Variants in PDSS1 observed in about 807,000 individuals in gnomAD.
PDSS1 encodes decaprenyl diphosphate synthase subunit 1, also known as all trans-polyprenyl-diphosphate synthase PDSS1.
In PDSS1, 43 loss-of-function variants were observed where a neutral mutation model predicts 57.5. The ratio of observed to expected loss-of-function variants is 0.75; its 90% confidence interval spans 0.59 to 0.96. The LOEUF (loss-of-function observed/expected upper bound fraction) is 0.96, where lower values mean the gene tolerates loss of function less well. Among genes scored for constraint, PDSS1 ranks in the 50% least tolerant of loss-of-function variants. PDSS1 has a pLI of 0.00. For synonymous variants in PDSS1, 175 were observed against 191.3 expected, an observed-to-expected ratio of 0.91 and a Z score of 0.70; for missense variants, 438 against 527.8, an observed-to-expected ratio of 0.83 and a Z score of 1.67.
intron 11 of PDSS1, among the ~76,000 whole-genome samples, chr10:26,742,821 C>T (rs1043226097): frequency 6.6e-6 from 1 of 152,158 alleles, no homozygotes; most frequent in Non-Finnish European, 1.5e-5. Context: ...ACATTAATAT[C>T]TTTTAAAAGG....
At chr10:26,723,204 G>A (rs1040679152) in intron 6 of PDSS1, among the ~76,000 whole-genome samples, 10 of 152,106 alleles carry the variant, frequency 6.6e-5, no homozygotes, top group African/African-American at 2.2e-4. Flanking sequence ...CTGAGGGATC[G>A]GGGGGAACTT....
chr10:26,734,664 A>G (rs1420308636), intron 8 of PDSS1: 3 of 456,194 alleles, frequency 6.6e-6, no homozygotes, highest in Non-Finnish European at 1.3e-5. Context: ...CTGTGTCTGA[A>G]GCAGGAGGCT....
chr10:26,709,545 G>A (rs1264084249), intron 4 of PDSS1, 93 bp from the exon 5 acceptor site: 3 of 1,289,658 alleles, frequency 2.3e-6, no homozygotes, highest in East Asian at 2.3e-5. Context: ...TGGGCAACAA[G>A]AGCGAAACTC....
intron 5 of PDSS1, chr10:26,717,760 G>T (rs1289445690): frequency 6.6e-6 from 1 of 151,906 alleles, no homozygotes; most frequent in African/African-American, 2.4e-5. Flanking sequence ...CTTACCTGTT[G>T]TTTTAAGGTA....
chr10:26,719,420 A>G (rs1022539624), intron 5 of PDSS1, among the ~76,000 whole-genome samples: 1 of 152,236 alleles, frequency 6.6e-6, no homozygotes, highest in Non-Finnish European at 1.5e-5. Context: ...GTTGGAAGAA[A>G]GTTTTACAAA....
chr10:26,738,619 A>G (rs1836481755), intron 10 of PDSS1, among the ~76,000 whole-genome samples: 1 of 152,100 alleles, frequency 6.6e-6, no homozygotes. Flanking sequence ...TTGGTAGGTG[A>G]GTTTTGTTTG....
At chr10:26,739,224 A>C (rs945242059) in intron 10 of PDSS1, among the ~76,000 whole-genome samples, 1 of 152,082 alleles carries the variant, frequency 6.6e-6, no homozygotes, top group African/African-American at 2.4e-5. Flanking sequence ...CATACTCATC[A>C]CCTTAGCAGT....
At chr10:26,708,202 T>C (rs1284327453) in intron 4 of PDSS1, among the ~76,000 whole-genome samples, 1 of 152,224 alleles carries the variant, frequency 6.6e-6, no homozygotes, top group African/African-American at 2.4e-5. Context: ...ACTAAGTCGG[T>C]AATTTACTGA....
chr10:26,707,289 A>T (rs1386111714), intron 4 of PDSS1, among the ~76,000 whole-genome samples: 3 of 151,632 alleles, frequency 2.0e-5, no homozygotes, highest in African/African-American at 7.3e-5. Context: ...GACTCACCCA[A>T]CTCCCGAGAT....
intron 8 of PDSS1, among the ~76,000 whole-genome samples, chr10:26,726,567 G>A (rs1384141747): frequency 6.6e-6 from 1 of 152,134 alleles, no homozygotes; most frequent in African/African-American, 2.4e-5. Flanking sequence ...GGGAGGAGGA[G>A]AACTGAAAGA....
At chr10:26,740,814 G>C in intron 10 of PDSS1, 2 of 382,764 alleles carry the variant, frequency 5.2e-6, no homozygotes, top group Non-Finnish European at 1.1e-5. Context: ...GGCTGTGGCA[G>C]CTGGTAGCCA....
intron 6 of PDSS1, 37 bp downstream of exon 6, chr10:26,720,396 GA>G (rs1835745443): frequency 7.3e-7 from 1 of 1,374,004 alleles, no homozygotes; most frequent in Non-Finnish European, 1.0e-6. Flanking sequence ...CTCTCTTACT[GA>G]ATCACACACT....
Position 26,746,653 on chromosome 10 carries a change from GTAAT to G in PDSS1, c.*185_*188del, listed in dbSNP as rs1159256822. 1 of 621,444 alleles carries G rather than the reference GTAAT, an allele frequency of 1.6e-6. No individual in the cohort carries two copies. The highest frequency in any genetic ancestry group is 2.9e-5 in the East Asian group (1 of 34,698). 38.5% of individuals were successfully genotyped at this position (621,444 alleles called of 1,614,324 possible). On this transcript the variant is annotated 3_prime_UTR_variant, in exon 12 of 12. Transcript: ENST00000376215. Reference sequence around the variant, plus strand: ...AGTTTTTTCAGAAAACTTTTTAAATGTAATTAATAAACCACCTGAATCTGTCATT... The same window carrying G: ...AGTTTTTTCAGAAAACTTTTTAAATGTAATAAACCACCTGAATCTGTCATT...
intron 8 of PDSS1, among the ~76,000 whole-genome samples, chr10:26,729,324 C>G (rs998584325): frequency 3.3e-5 from 5 of 152,068 alleles, no homozygotes; most frequent in African/African-American, 1.2e-4. Context: ...GTTTCTAGAC[C>G]CACTCAATGG....
In PDSS1 at chr10:26,709,691, T is replaced by C; in HGVS notation, c.390T>C (p.Asp130=). ...AGGAAATGTCTGAGTACTACTTTGA[T>C]GGGAAAGGGAAAGCCTTTCGACCAA... ...ELKEMSEYYF[D]GKGKAFRPII... Residue 130 remains aspartate (D), a synonymous_variant, in exon 5 of 12, where the codon GAT becomes GAC. Coordinates refer to ENST00000376215, the MANE Select transcript of PDSS1 (RefSeq NM_014317.5). 6.2e-7 allele frequency: 1 copy of C among 1,613,674 alleles called. No homozygotes were observed.
At chr10:26,723,656 G>A in intron 6 of PDSS1, 150 bp from the exon 7 acceptor site, 1 of 714,752 alleles carries the variant, frequency 1.4e-6, no homozygotes, top group Non-Finnish European at 2.6e-6. Context: ...GATTGTTACG[G>A]ACTCCTGTTG....
chr10:26,707,343 T>C (rs181952250), intron 4 of PDSS1, among the ~76,000 whole-genome samples: 1 of 152,294 alleles, frequency 6.6e-6, no homozygotes, highest in East Asian at 1.9e-4. Flanking sequence ...TTGTATCTAT[T>C]GAGAGACTGC....
intron 5 of PDSS1, chr10:26,717,982 G>A (rs1156660148): frequency 6.6e-6 from 1 of 152,036 alleles, no homozygotes; most frequent in African/African-American, 2.4e-5. Context: ...GGATTCAGGT[G>A]GCTTAAAACT....
At chr10:26,729,596 A>T (rs138004990) in intron 8 of PDSS1, among the ~76,000 whole-genome samples, 17 of 152,336 alleles carry the variant, frequency 1.1e-4, no homozygotes, top group African/African-American at 4.1e-4. Flanking sequence ...ATAGGAGTTT[A>T]CAAATTCATG....
Sources: allele counts gnomAD v4.1 joint callset (sites outside exome capture counted in the v4.1 genomes callset), GRCh38; gene constraint gnomAD v4.1.1; transcripts MANE v1.5; gene names NCBI Gene and HGNC (gene_info 2026-07-23, HGNC 2026-07-21).